The following PRMT9 variants were observed in gnomAD, a reference collection of about 807,000 sequenced individuals.
The protein encoded by PRMT9 is protein arginine methyltransferase 9, also known as protein arginine N-methyltransferase 9.
In PRMT9, 59 loss-of-function variants were observed where a neutral mutation model predicts 83.2. The observed-to-expected ratio is 0.71, with a 90% confidence interval of 0.57 to 0.88. The LOEUF (loss-of-function observed/expected upper bound fraction) is 0.88. Ranked by LOEUF, PRMT9 falls within the 40% of genes least tolerant of loss-of-function variation. The pLI, the probability that PRMT9 is intolerant of heterozygous loss-of-function variation, is 0.00. For missense variants in PRMT9, 947 were observed against 1,021.9 expected (o/e 0.93, Z 1.00); for synonymous variants, 333 against 353.2 (o/e 0.94, Z 0.64).
chr4:147,683,660 G>C lies in PRMT9; in HGVS notation c.189+139C>G. 3 of 832,392 alleles carry C rather than the reference G, an allele frequency of 3.6e-6. No homozygotes were observed. In the East Asian group the frequency reaches 7.3e-5, roughly 20 times the overall value. 51.6% of individuals were successfully genotyped at this position (832,392 alleles called of 1,614,324 possible). A position where few individuals can be genotyped will look rare whatever the true frequency, so the allele number is the denominator to read the frequency against. On this transcript the variant is annotated intron_variant, in intron 1 of 11. Transcript: ENST00000322396. ...GAGGACGTTGGATCGGCCAGCAAGT[G>C]AGAAAAAAGGGCCCTAAATATTAAC...
chr4:147,675,436 T>A (rs1326352107), intron 2 of PRMT9, among the ~76,000 whole-genome samples: 1 of 152,236 alleles, frequency 6.6e-6, no homozygotes, highest in African/African-American at 2.4e-5. Flanking sequence ...TTTCAGTTAA[T>A]ATATGTTATT....
chr4:147,682,231 G>A (rs1177303596), intron 1 of PRMT9, among the ~76,000 whole-genome samples: 1 of 151,916 alleles, frequency 6.6e-6, no homozygotes, highest in East Asian at 1.9e-4. Context: ...CCAGGCTGGA[G>A]CGCAATGGCG....
intron 7 of PRMT9, among the ~76,000 whole-genome samples, chr4:147,659,489 C>T (rs1734786635): frequency 6.6e-6 from 1 of 151,776 alleles, no homozygotes; most frequent in African/African-American, 2.4e-5. Flanking sequence ...TCACTTACAA[C>T]ATTTATGTAC....
chr4:147,673,068 T>C lies in PRMT9; in HGVS notation c.634A>G (p.Met212Val), dbSNP rs1299240593. 3 of 1,614,004 alleles carry C rather than the reference T, an allele frequency of 1.9e-6. No individual in the cohort carries two copies. The highest frequency in any genetic ancestry group is 1.7e-6 in the Non-Finnish European group (2 of 1,179,906). ...SVYACELSKTMYELACDVVAA... is the reference protein window; with the variant it reads ...SVYACELSKTVYELACDVVAA... ...ACGACATCACAGGCAAGTTCATACATGGTCTTGGATAACTCACAGGCATAC... is the reference window on the plus strand; with the variant it reads ...ACGACATCACAGGCAAGTTCATACACGGTCTTGGATAACTCACAGGCATAC... Residue 212 changes from methionine (M) to valine (V), a missense_variant, in exon 4 of 12, where the codon ATG becomes GTG. Coordinates refer to ENST00000322396, the MANE Select transcript of PRMT9 (RefSeq NM_138364.4).
intron 6 of PRMT9, 104 bp downstream of exon 6, chr4:147,668,435 C>T (rs377147749): frequency 4.0e-6 from 3 of 757,798 alleles, no homozygotes; most frequent in African/African-American, 1.7e-5. Context: ...CCTGAGGCCT[C>T]CTCAGCATTC....
chr4:147,648,550 A>T (rs1158089387), intron 9 of PRMT9, among the ~76,000 whole-genome samples: 1 of 152,176 alleles, frequency 6.6e-6, no homozygotes, highest in Non-Finnish European at 1.5e-5. Flanking sequence ...AACATAAGTA[A>T]AGTGTTTCCC....
At chr4:147,643,223 C>T (rs1037872962) in intron 9 of PRMT9, among the ~76,000 whole-genome samples, 6 of 151,976 alleles carry the variant, frequency 3.9e-5, no homozygotes, top group East Asian at 1.9e-4. Flanking sequence ...ACCAACATCC[C>T]GCCACTGCAC....
At chr4:147,657,265 C>CCCGTA (rs1488234135) in intron 8 of PRMT9, among the ~76,000 whole-genome samples, 1 of 152,076 alleles carries the variant, frequency 6.6e-6, no homozygotes, top group African/African-American at 2.4e-5. Flanking sequence ...GTGGCTCACG[C>CCCGTA]CCGTAATCCC....
intron 2 of PRMT9, among the ~76,000 whole-genome samples, chr4:147,674,678 T>C (rs955329104): frequency 2.6e-5 from 4 of 152,214 alleles, no homozygotes; most frequent in African/African-American, 7.2e-5. Context: ...TATGGCTGTA[T>C]TGCACATGAT....
chr4:147,657,685 T>C, intron 8 of PRMT9, 107 bp downstream of exon 8: 1 of 803,362 alleles, frequency 1.2e-6, no homozygotes, highest in Admixed American at 2.3e-5. Flanking sequence ...TTAACCAACC[T>C]CCTTTGACTG....
chr4:147,656,947 T>C (rs1192661966), intron 8 of PRMT9, among the ~76,000 whole-genome samples: 1 of 151,750 alleles, frequency 6.6e-6, no homozygotes, highest in East Asian at 1.9e-4. Flanking sequence ...AGTTTTTCTA[T>C]ATAATTCAAC....
At chr4:147,656,300 CGT>C (rs374959657) in intron 8 of PRMT9, among the ~76,000 whole-genome samples, 4 of 150,748 alleles carry the variant, frequency 2.7e-5, no homozygotes, top group African/African-American at 7.4e-5. Flanking sequence ...TGTGTGTGTG[CGT>C]GTGTGTGTGT....
chr4:147,653,979 C>CA lies in PRMT9; in HGVS notation c.1917dup (p.Val640CysfsTer4). On this transcript the variant is annotated frameshift_variant, in exon 9 of 12. Transcript: ENST00000322396. LOFTEE classifies it high-confidence loss of function. ...TGTAACATAGCAGATTCATCCTCCACATGTCTCAGCCAAAACTCAAGTGTT... is the reference window on the plus strand; with the variant it reads ...TGTAACATAGCAGATTCATCCTCCACAATGTCTCAGCCAAAACTCAAGTGTT... 6.2e-7 allele frequency: 1 copy of CA among 1,614,154 alleles called. No individual in the cohort carries two copies. The highest frequency in any genetic ancestry group is 1.6e-4 in the Middle Eastern group (1 of 6,062).
At chr4:147,644,305 T>G (rs963778015) in intron 9 of PRMT9, among the ~76,000 whole-genome samples, 1 of 151,782 alleles carries the variant, frequency 6.6e-6, no homozygotes, top group African/African-American at 2.4e-5. Flanking sequence ...TTTGTATTAT[T>G]CTTTAACTTC....
In PRMT9 at chr4:147,653,932, T is replaced by C. The variant is rs750118595; in HGVS notation, c.1965A>G (p.Leu655=). 1 of 1,614,234 alleles carries C rather than the reference T, an allele frequency of 6.2e-7. No homozygotes were observed. The highest frequency in any genetic ancestry group is 8.5e-7 in the Non-Finnish European group (1 of 1,180,028). ...TGACATCCAATATAATTATGCTCCA[T>C]AACTTGTCTGATTTTGGCCTTTGTA... ...AMLQRPKSDK[L]WSIIILDVIE... The change falls in exon 9 of 12, where the codon TTA becomes TTG. Residue 655 remains leucine (L), a synonymous_variant. Transcript: ENST00000322396.
intron 8 of PRMT9, among the ~76,000 whole-genome samples, chr4:147,657,385 C>A (rs367861669): frequency 1.3e-5 from 2 of 151,934 alleles, no homozygotes; most frequent in Non-Finnish European, 2.9e-5. Flanking sequence ...AGTAGCCAGG[C>A]GCAGCAGCGG....
intron 2 of PRMT9, among the ~76,000 whole-genome samples, chr4:147,676,584 C>A (rs1041462235): frequency 2.6e-5 from 4 of 152,120 alleles, no homozygotes; most frequent in Non-Finnish European, 5.9e-5. Flanking sequence ...TATTAACATA[C>A]TCTACAATTA....
In PRMT9 at chr4:147,650,120, A is replaced by G. The variant is rs555055583; in HGVS notation, c.2045+3732T>C. Among the ~76,000 whole-genome samples, 4 of 152,270 alleles carry G rather than the reference A, an allele frequency of 2.6e-5. No homozygotes were observed. The South Asian group carries it at 8.3e-4, about 32-fold the overall frequency. On this transcript the variant is annotated intron_variant, in intron 9 of 11. Transcript: ENST00000322396. The stretch of plus-strand genomic sequence containing the variant: ...CAGCTTTTCTCCTAAGATCAGATAC[A>G]AGGGAAAGATGCCCACTCTTTCCAC...
At chr4:147,679,681 G>A (rs770667236) in intron 2 of PRMT9, among the ~76,000 whole-genome samples, 47 of 152,056 alleles carry the variant, frequency 3.1e-4, no homozygotes, top group Admixed American at 2.0e-4. Flanking sequence ...CCAGAAGGTG[G>A]AGAGGTTGCA....
Sources: gnomAD v4.1 joint callset for allele counts (sites outside exome capture counted in the v4.1 genomes callset) on GRCh38, gnomAD v4.1.1 for gene constraint, MANE v1.5 for transcripts, NCBI Gene and HGNC (gene_info 2026-07-23, HGNC 2026-07-21) for gene names.